Variants in RBM33 observed in about 807,000 individuals in gnomAD.
RBM33 encodes the protein RNA-binding protein 33.
In RBM33, 28 loss-of-function variants were observed where a neutral mutation model predicts 132.6. The ratio of observed to expected loss-of-function variants is 0.21; its 90% CI spans 0.16 to 0.29. The LOEUF (loss-of-function observed/expected upper bound fraction) is 0.29, where lower values mean the gene tolerates loss of function less well. Ranked by LOEUF, RBM33 falls within the 10% of genes least tolerant of loss-of-function variation. The pLI is 1.00. For missense variants in RBM33, 1,291 were observed against 1,518.5 expected (o/e 0.85, Z 2.49); for synonymous variants, 634 against 593.0 (o/e 1.07, Z -1.01).
intron 9 of RBM33, among the ~76,000 whole-genome samples, chr7:155,721,677 A>G (rs1272559422): frequency 1.3e-5 from 2 of 152,184 alleles, no homozygotes; most frequent in African/African-American, 2.4e-5. Context: ...TTTTTTAATT[A>G]AAAATTACAG....
chr7:155,701,203 C>T (rs554430551), intron 6 of RBM33: 33 of 539,550 alleles, frequency 6.1e-5, no homozygotes, highest in African/African-American at 5.7e-4. Flanking sequence ...GAGTCTGTGG[C>T]CTACAGCTGC....
Position 155,745,142 on chromosome 7 carries a change from C to A in RBM33, c.2519C>A (p.Pro840Gln), listed in dbSNP as rs756012333. The A allele has an allele frequency of 1.2e-6, 2 of 1,603,974 alleles. No homozygotes were observed. The highest frequency in any genetic ancestry group is 8.5e-7 in the Non-Finnish European group (1 of 1,174,864). ...QQQQLYAPPP[P>Q]AEQEEQALSP... ...CAGCAGCTGTACGCTCCCCCACCCC[C>A]AGCAGAGCAGGAAGAGCAGGCACTG... The change falls in exon 14 of 18, where the codon CCA (proline) becomes CAA (glutamine). Residue 840 changes from proline to glutamine, a missense_variant. This residue lies in a region of RBM33 where 841 missense variants were observed against 912.0 expected (regional missense o/e 0.92). Transcript: ENST00000401878. The surrounding 1 kb of genome is among the most constrained non-coding windows in gnomAD (Gnocchi z 4.1).
chr7:155,668,827 G>T (rs7793391), intron 2 of RBM33, among the ~76,000 whole-genome samples: 4,428 of 152,144 alleles, frequency 0.029, 211 homozygotes, highest in African/African-American at 0.1. Context: ...TTGTCGTTTC[G>T]TATCTTTATT....
chr7:155,721,782 A>G (rs1275758686), intron 9 of RBM33, among the ~76,000 whole-genome samples: 1 of 152,216 alleles, frequency 6.6e-6, no homozygotes, highest in South Asian at 2.1e-4. Flanking sequence ...TCCAAATCTG[A>G]GGCCAAAATT....
At chr7:155,667,809 T>G (rs1341555549) in intron 2 of RBM33, among the ~76,000 whole-genome samples, 1 of 152,188 alleles carries the variant, frequency 6.6e-6, no homozygotes, top group East Asian at 1.9e-4. Context: ...TAAATAGCTA[T>G]ACAGTCTGCC....
chr7:155,662,878 T>C (rs1798692765), intron 1 of RBM33, among the ~76,000 whole-genome samples: 1 of 152,148 alleles, frequency 6.6e-6, no homozygotes, highest in African/African-American at 2.4e-5. Context: ...GAGGGCGTCC[T>C]GTGTTCTTGG....
At chr7:155,671,805 T>C (rs1798948212) in intron 2 of RBM33, among the ~76,000 whole-genome samples, 1 of 152,184 alleles carries the variant, frequency 6.6e-6, no homozygotes, top group Non-Finnish European at 1.5e-5. Flanking sequence ...TTTAATGATA[T>C]TTGCTTCCAA....
At chr7:155,730,138 A>G (rs955531369) in intron 9 of RBM33, among the ~76,000 whole-genome samples, 16 of 152,238 alleles carry the variant, frequency 1.1e-4, no homozygotes, top group South Asian at 2.1e-4. Flanking sequence ...ATGGAAACAC[A>G]TTGATGTGTA....
chr7:155,747,180 G>A (rs1383069600), intron 14 of RBM33, among the ~76,000 whole-genome samples: 1 of 152,202 alleles, frequency 6.6e-6, no homozygotes. Context: ...AATTAGAAAT[G>A]TTGAGAAGAA....
intron 14 of RBM33, among the ~76,000 whole-genome samples, chr7:155,746,936 G>A (rs993962841): frequency 7.2e-5 from 11 of 152,218 alleles, no homozygotes; most frequent in African/African-American, 2.2e-4. Context: ...ATGTGATCAT[G>A]TGAAGGAGAA....
intron 14 of RBM33, among the ~76,000 whole-genome samples, chr7:155,760,076 GA>G (rs1801985591): frequency 6.6e-6 from 1 of 152,208 alleles, no homozygotes; most frequent in Non-Finnish European, 1.5e-5. Flanking sequence ...AGCACATTCA[GA>G]ACTACTTAAC....
At position 155,774,290 on chromosome 7, in the gene RBM33, A is replaced by T. The variant is rs1273629246; in HGVS notation, c.3376-269A>T. ...CTCCCAGAGCAGGTTGGGGCAGCTG[A>T]TGGGGCCAGATGATGGGAGGCCTTA... On this transcript the variant is annotated intron_variant, in intron 16 of 17. Transcript: ENST00000401878. The surrounding 1 kb of genome is among the most constrained non-coding windows in gnomAD (Gnocchi z 4.2). 6.6e-6 allele frequency among the ~76,000 whole-genome samples: 1 copy of T among 152,188 alleles called. No homozygotes were observed. Among genetic ancestry groups the T allele is most frequent in the African/African-American group, 2.4e-5 (1 of 41,448 alleles).
At chr7:155,707,371 C>T (rs1198383860) in intron 7 of RBM33, 1 of 532,112 alleles carries the variant, frequency 1.9e-6, no homozygotes, top group African/African-American at 1.9e-5. Context: ...TACCTAAAGC[C>T]TCTAGAGAGG....
intron 9 of RBM33, among the ~76,000 whole-genome samples, chr7:155,723,620 G>A (rs904165613): frequency 6.6e-6 from 1 of 152,182 alleles, no homozygotes; most frequent in Non-Finnish European, 1.5e-5. Context: ...ATTAAAGAAG[G>A]TGGTTTATCA....
At chr7:155,719,008 T>C (rs1800547898) in intron 9 of RBM33, among the ~76,000 whole-genome samples, 1 of 152,158 alleles carries the variant, frequency 6.6e-6, no homozygotes, top group Admixed American at 6.5e-5. Context: ...CACACAGAAA[T>C]GCACACTTTG....
intron 1 of RBM33, among the ~76,000 whole-genome samples, chr7:155,656,301 C>A (rs190481935): frequency 6.6e-5 from 10 of 152,242 alleles, no homozygotes; most frequent in Admixed American, 4.6e-4. Flanking sequence ...TTCAAAATGA[C>A]CACTGCATGG....
chr7:155,750,231 T>C (rs1231368668), intron 14 of RBM33, among the ~76,000 whole-genome samples: 1 of 152,266 alleles, frequency 6.6e-6, no homozygotes, highest in African/African-American at 2.4e-5. Flanking sequence ...CTCAGAAAGC[T>C]ATTTTTCAGT....
At chr7:155,771,569 C>T (rs888083603) in intron 16 of RBM33, among the ~76,000 whole-genome samples, 1 of 152,006 alleles carries the variant, frequency 6.6e-6, no homozygotes, top group African/African-American at 2.4e-5. Flanking sequence ...TTTTAAGCTA[C>T]GTAGATTACA....
At chr7:155,694,502 A>G (rs1218443650) in intron 5 of RBM33, among the ~76,000 whole-genome samples, 6 of 152,262 alleles carry the variant, frequency 3.9e-5, no homozygotes. Context: ...TAAAGTGTAC[A>G]GTAAGTTTTG....
Sources: gnomAD v4.1 joint callset for allele counts (sites outside exome capture counted in the v4.1 genomes callset) on GRCh38, gnomAD v4.1.1 for gene constraint, gnomAD v4.1.1 regional missense constraint, Gnocchi (gnomAD v3.1) non-coding constraint, MANE v1.5 for transcripts, NCBI Gene and HGNC (gene_info 2026-07-23, HGNC 2026-07-21) for gene names.